Variants in MRPS35 observed in about 807,000 individuals in gnomAD.
The protein encoded by MRPS35 is mitochondrial ribosomal protein S35.
MRPS35 carries 29 observed loss-of-function variants against 32.7 expected under a neutral mutation model. The observed-to-expected ratio is 0.89, with a 90% CI of 0.66 to 1.21. MRPS35 has a LOEUF of 1.21. Among genes scored for constraint, MRPS35 ranks in the 50% most tolerant of loss-of-function variants. The pLI is 0.00. For synonymous variants in MRPS35, 148 were observed against 139.3 expected (o/e 1.06, Z -0.44); for missense variants, 373 against 383.8 (o/e 0.97, Z 0.23).
chr12:27,752,368 G>T (rs754244986), intron 7 of MRPS35, among the ~76,000 whole-genome samples: 5 of 152,220 alleles, frequency 3.3e-5, no homozygotes, highest in Non-Finnish European at 7.3e-5. Context: ...AAGGGGAAGA[G>T]ACATGAAATG....
chr12:27,722,712 T>A (rs376545015), intron 4 of MRPS35, among the ~76,000 whole-genome samples: 2 of 152,176 alleles, frequency 1.3e-5, no homozygotes, highest in Non-Finnish European at 1.5e-5. Flanking sequence ...ACAATGATGT[T>A]AATTGCAAAG....
intron 3 of MRPS35, among the ~76,000 whole-genome samples, chr12:27,718,151 G>A (rs909350247): frequency 1.3e-5 from 2 of 152,192 alleles, no homozygotes; most frequent in South Asian, 4.1e-4. Flanking sequence ...CTGGCCAGGT[G>A]TGGTGGCTCA....
At chr12:27,727,515 A>G (rs2061905384) in intron 5 of MRPS35, among the ~76,000 whole-genome samples, 1 of 152,146 alleles carries the variant, frequency 6.6e-6, no homozygotes, top group African/African-American at 2.4e-5. Flanking sequence ...CTAGGTGTGT[A>G]GTAGGCTGTA....
At chr12:27,740,624 A>G (rs2061960863) in intron 7 of MRPS35, among the ~76,000 whole-genome samples, 2 of 152,118 alleles carry the variant, frequency 1.3e-5, no homozygotes, top group South Asian at 4.1e-4. Flanking sequence ...CACTGAGGGG[A>G]AAGTAGCTGC....
intron 5 of MRPS35, among the ~76,000 whole-genome samples, chr12:27,728,193 C>T (rs2061907946): frequency 6.6e-6 from 1 of 151,952 alleles, no homozygotes; most frequent in Non-Finnish European, 1.5e-5. Context: ...TATTCTTTCC[C>T]ATTGAATGGT....
At chr12:27,736,327 G>A (rs1053206159) in intron 6 of MRPS35, among the ~76,000 whole-genome samples, 8 of 152,230 alleles carry the variant, frequency 5.3e-5, no homozygotes, top group African/African-American at 1.7e-4. Flanking sequence ...GGCAGAAAAA[G>A]CTCAGGACCA....
At chr12:27,742,384 C>A (rs2061967176) in intron 7 of MRPS35, among the ~76,000 whole-genome samples, 1 of 152,200 alleles carries the variant, frequency 6.6e-6, no homozygotes, top group Non-Finnish European at 1.5e-5. Flanking sequence ...AAATGAATGA[C>A]CCCCTGCCTT....
chr12:27,749,523 T>C (rs965718117), intron 7 of MRPS35, among the ~76,000 whole-genome samples: 3 of 152,232 alleles, frequency 2.0e-5, no homozygotes, highest in African/African-American at 7.2e-5. Flanking sequence ...GGGAATAATA[T>C]AGTGAAACAT....
At chr12:27,752,482 A>T (rs1043532216) in intron 7 of MRPS35, among the ~76,000 whole-genome samples, 1 of 152,224 alleles carries the variant, frequency 6.6e-6, no homozygotes, top group African/African-American at 2.4e-5. Flanking sequence ...TAAAAATACT[A>T]AATAGTTAAG....
chr12:27,752,894 G>A (rs2062011241), intron 7 of MRPS35: 1 of 152,092 alleles, frequency 6.6e-6, no homozygotes, highest in Admixed American at 6.6e-5. Context: ...AAGGTAGTGA[G>A]TTATCTCAGT....
chr12:27,715,683 T>C (rs1041292207), intron 2 of MRPS35, among the ~76,000 whole-genome samples: 8 of 152,202 alleles, frequency 5.3e-5, no homozygotes, highest in African/African-American at 1.7e-4. Flanking sequence ...GGTTTTGATA[T>C]TGCGTAGGCG....
intron 7 of MRPS35, among the ~76,000 whole-genome samples, chr12:27,739,681 G>A (rs1172848544): frequency 6.6e-6 from 1 of 152,182 alleles, no homozygotes; most frequent in Non-Finnish European, 1.5e-5. Context: ...TTTTGAACCA[G>A]CAACATGGCT....
At chr12:27,729,772 G>C (rs1025758674) in intron 5 of MRPS35, among the ~76,000 whole-genome samples, 1 of 152,048 alleles carries the variant, frequency 6.6e-6, no homozygotes, top group African/African-American at 2.4e-5. Flanking sequence ...CATTTGTCCG[G>C]ATGCCATATT....
chr12:27,751,148 AG>A (rs2062001742), intron 7 of MRPS35, among the ~76,000 whole-genome samples: 14 of 151,730 alleles, frequency 9.2e-5, no homozygotes, highest in Non-Finnish European at 1.9e-4. Context: ...AAAAAGGAAA[AG>A]AAAAAAGAAA....
intron 4 of MRPS35, among the ~76,000 whole-genome samples, chr12:27,721,804 G>A (rs945264786): frequency 1.5e-4 from 23 of 152,156 alleles, no homozygotes; most frequent in Non-Finnish European, 3.1e-4. Context: ...ATGTGACAGG[G>A]CGTGGTAGCT....
chr12:27,727,162 C>T (rs577373412), intron 5 of MRPS35, among the ~76,000 whole-genome samples: 9 of 152,046 alleles, frequency 5.9e-5, no homozygotes, highest in East Asian at 1.9e-4. Flanking sequence ...GGGTTTTCAC[C>T]GTGTTAGCCA....
At chr12:27,726,744 T>A (rs920261669) in intron 5 of MRPS35, among the ~76,000 whole-genome samples, 7 of 152,116 alleles carry the variant, frequency 4.6e-5, no homozygotes, top group African/African-American at 1.5e-4. Context: ...CTAATAACCA[T>A]CTTTTCATGT....
intron 6 of MRPS35, among the ~76,000 whole-genome samples, chr12:27,736,345 T>G (rs893492527): frequency 1.3e-5 from 2 of 152,202 alleles, no homozygotes; most frequent in Non-Finnish European, 2.9e-5. Flanking sequence ...CCATGGTTTG[T>G]GATTATTACC....
chr12:27,723,910 A>G (rs2061887411), intron 4 of MRPS35, 137 bp from the exon 5 acceptor site: 3 of 757,390 alleles, frequency 4.0e-6, no homozygotes, highest in Admixed American at 6.9e-5. Context: ...GATGCTATAT[A>G]TGTAAAGTGC....
Sources: allele counts gnomAD v4.1 joint callset (sites outside exome capture counted in the v4.1 genomes callset), GRCh38; gene constraint gnomAD v4.1.1; transcripts MANE v1.5; gene names NCBI Gene and HGNC (gene_info 2026-07-23, HGNC 2026-07-21).